Variants in CUL5 observed in about 807,000 individuals in gnomAD.
CUL5 encodes cullin-5.
CUL5 carries 26 observed loss-of-function variants against 108.8 expected under a neutral mutation model. The ratio of observed to expected loss-of-function variants is 0.24; its 90% CI spans 0.18 to 0.33. The LOEUF (loss-of-function observed/expected upper bound fraction) is 0.33. Ranked by LOEUF, CUL5 falls within the 10% of genes least tolerant of loss-of-function variation. CUL5 has a pLI of 1.00. For synonymous variants in CUL5, 334 were observed against 298.0 expected, an observed-to-expected ratio of 1.12 and a Z score of -1.25; for missense variants, 524 against 909.2, an observed-to-expected ratio of 0.58 and a Z score of 5.45.
At chr11:108,021,765 C>T (rs1591275771) in intron 1 of CUL5, among the ~76,000 whole-genome samples, 1 of 152,222 alleles carries the variant, frequency 6.6e-6, no homozygotes, top group East Asian at 1.9e-4. Context: ...ATTGTCCTGC[C>T]TTGACCTCCC....
rs963816082 is a variant in CUL5, at chr11:108,015,555, C to G, written c.24+6183C>G. Among the ~76,000 whole-genome samples, 10 of 152,292 alleles carry G rather than the reference C, an allele frequency of 6.6e-5. 1 individual carries two copies. Among genetic ancestry groups the G allele is most frequent in the Admixed American group, 6.5e-4 (10 of 15,294 alleles). ...GGACATGGGCCTTAGAGCGGCCTTC[C>G]CCTCCTTCAGTGTACTGTCCTAGAG... On this transcript the variant is annotated intron_variant, in intron 1 of 18. Transcript: ENST00000393094.
At chr11:108,058,187 C>A (rs182770379) in intron 7 of CUL5, among the ~76,000 whole-genome samples, 1,969 of 112,704 alleles carry the variant, frequency 0.017, 48 homozygotes, top group African/African-American at 0.064. Flanking sequence ...CCAGCCTGGG[C>A]GATAGAGCAA....
At chr11:108,052,847 TGTA>T in intron 5 of CUL5, 46 bp downstream of exon 5, 1 of 1,545,762 alleles carries the variant, frequency 6.5e-7, no homozygotes, top group African/African-American at 1.4e-5. Flanking sequence ...TCATGGAAAT[TGTA>T]GAACAATTAT....
At chr11:108,100,479 G>A (rs2135249598) in intron 18 of CUL5, among the ~76,000 whole-genome samples, 1 of 152,294 alleles carries the variant, frequency 6.6e-6, no homozygotes, top group South Asian at 2.1e-4. Context: ...GGCGGGCAGA[G>A]GTTGCAGTGA....
chr11:108,078,713 A>C (rs1015795861), intron 11 of CUL5, among the ~76,000 whole-genome samples: 1 of 152,184 alleles, frequency 6.6e-6, no homozygotes, highest in African/African-American at 2.4e-5. Context: ...GAGTAGTACT[A>C]AATAGCAATA....
chr11:108,094,473 C>A lies in CUL5; in HGVS notation c.1526C>A (p.Ala509Asp). The change falls in exon 14 of 19, where the codon GCT becomes GAT. Residue 509 changes from alanine (A) to aspartate (D), a missense_variant. Coordinates refer to ENST00000393094, the MANE Select transcript of CUL5 (RefSeq NM_003478.6). The stretch of plus-strand genomic sequence containing the variant: ...AAAGTATCTGAAGATTTGAACCAAG[C>A]TTTTAAGGAAATGCACAAAAATAAT... ...DIKVSEDLNQ[A>D]FKEMHKNNKL... is the part of the protein sequence containing the mutation. 6.5e-7 allele frequency: 1 copy of A among 1,528,854 alleles called. No homozygotes were observed. Among genetic ancestry groups the A allele is most frequent in the Non-Finnish European group, 9.0e-7 (1 of 1,116,846 alleles). 94.7% of individuals were successfully genotyped at this position (1,528,854 alleles called of 1,614,324 possible). A position where few individuals can be genotyped will look rare whatever the true frequency, so the allele number is the denominator to read the frequency against.
At chr11:108,089,233 A>ATTT (rs557160242) in intron 12 of CUL5, among the ~76,000 whole-genome samples, 197 of 152,178 alleles carry the variant, frequency 1.3e-3, no homozygotes, top group African/African-American at 4.6e-3. Context: ...CATGTAAAGT[A>ATTT]TATCGTTGCA....
chr11:108,091,811 G>A (rs992849406), intron 13 of CUL5, among the ~76,000 whole-genome samples: 2 of 151,634 alleles, frequency 1.3e-5, no homozygotes, highest in South Asian at 2.1e-4. Flanking sequence ...ATAAGTGCAT[G>A]CAAAGATACT....
intron 1 of CUL5, 100 bp from the exon 2 acceptor site, chr11:108,033,702 T>G (rs148528006): frequency 1.5e-6 from 1 of 683,556 alleles, no homozygotes; most frequent in East Asian, 2.7e-5. Context: ...TCATTTAAAT[T>G]TGAGCCCTTC....
intron 11 of CUL5, among the ~76,000 whole-genome samples, chr11:108,087,754 C>G (rs1864255964): frequency 6.6e-6 from 1 of 151,774 alleles, no homozygotes; most frequent in African/African-American, 2.4e-5. Context: ...CACCTGAGGT[C>G]AGAAGTTTGA....
chr11:108,074,399 TGGCCA>T (rs1863898187), intron 10 of CUL5, among the ~76,000 whole-genome samples: 1 of 151,778 alleles, frequency 6.6e-6, no homozygotes, highest in South Asian at 2.1e-4. Context: ...TTCACTGTGT[TGGCCA>T]GGCTGGTCTC....
In CUL5 at chr11:108,089,609, G is replaced by C; in HGVS notation, c.1429G>C (p.Val477Leu). ...CGATAGTGAAATTGAAGAAAACATG[G>C]TAGAGTGGCTAAGAGTAAGTAAATT... Reference protein sequence around the residue: ...SADSEIEENMVEWLREVGMPA... With the variant: ...SADSEIEENMLEWLREVGMPA... The change falls in exon 13 of 19, where the codon GTA becomes CTA. Residue 477 changes from valine (V) to leucine (L), a missense_variant. Physicochemically the swap from Val to Leu is conservative, Grantham distance 32. This residue lies in a region of CUL5 where 76 missense variants were observed against 168.3 expected (regional missense o/e 0.45). Coordinates refer to ENST00000393094, the MANE Select transcript of CUL5 (RefSeq NM_003478.6). 6.5e-7 allele frequency: 1 copy of C among 1,531,844 alleles called. No homozygotes were observed. The highest frequency in any genetic ancestry group is 8.7e-7 in the Non-Finnish European group (1 of 1,148,610). The allele number at this position is 1,531,844 out of a possible 1,614,324, so 94.9% of individuals were successfully genotyped here. A position where few individuals can be genotyped will look rare whatever the true frequency, so the allele number is the denominator to read the frequency against.
chr11:108,076,850 A>T (rs1014819097), intron 10 of CUL5, among the ~76,000 whole-genome samples: 3 of 152,232 alleles, frequency 2.0e-5, no homozygotes, highest in African/African-American at 7.2e-5. Flanking sequence ...TCGTGTTCTG[A>T]TCAATTAGAA....
intron 7 of CUL5, among the ~76,000 whole-genome samples, chr11:108,067,920 T>C (rs1339483626): frequency 1.3e-5 from 2 of 152,030 alleles, no homozygotes; most frequent in Non-Finnish European, 2.9e-5. Flanking sequence ...GTCTTTTCTT[T>C]ATTTTTCTTT....
At chr11:108,069,232 C>G (rs565939842) in intron 7 of CUL5, among the ~76,000 whole-genome samples, 44 of 152,242 alleles carry the variant, frequency 2.9e-4, no homozygotes, top group African/African-American at 8.7e-4. Flanking sequence ...AGTAATGCCA[C>G]TGTACTCCAG....
intron 1 of CUL5, among the ~76,000 whole-genome samples, chr11:108,020,757 TA>T (rs1055272198): frequency 3.3e-5 from 5 of 152,136 alleles, no homozygotes; most frequent in African/African-American, 1.2e-4. Flanking sequence ...GTTTTTAAAG[TA>T]AAAAAGTTAC....
Position 108,104,196 on chromosome 11 carries a change from A to G in CUL5, c.2155A>G (p.Ile719Val), listed in dbSNP as rs370425496. Reference protein sequence around the residue: ...QLRILRTQEAIIQIMKMRKKI... With the variant: ...QLRILRTQEAVIQIMKMRKKI... The stretch of plus-strand genomic sequence containing the variant: ...TTTTTATTTTTTCTTTTAGGAAGCT[A>G]TCATACAAATAATGAAAATGAGAAA... Residue 719 changes from isoleucine to valine, a missense_variant, in exon 19 of 19, where the codon ATC becomes GTC. Around this residue, in one of 8 missense-constraint regions of CUL5, gnomAD observed 66 missense variants for 81.4 expected, o/e 0.81. Coordinates refer to ENST00000393094, the MANE Select transcript of CUL5 (RefSeq NM_003478.6). 3.2e-6 allele frequency: 5 copies of G among 1,557,742 alleles called. No homozygotes were observed. Among genetic ancestry groups the G allele is most frequent in the Admixed American group, 2.0e-5 (1 of 49,730 alleles).
chr11:108,059,218 T>C (rs1863474474), intron 7 of CUL5, among the ~76,000 whole-genome samples: 1 of 152,156 alleles, frequency 6.6e-6, no homozygotes, highest in Non-Finnish European at 1.5e-5. Flanking sequence ...GGTTTTTAGT[T>C]TTTAGGTGAT....
Position 108,104,445 on chromosome 11 carries a change from T to C in CUL5, c.*61T>C. The C allele has an allele frequency of 9.3e-7, 1 of 1,071,306 alleles. No individual in the cohort carries two copies. Among genetic ancestry groups the C allele is most frequent in the Non-Finnish European group, 1.3e-6 (1 of 753,968 alleles). The allele number at this position is 1,071,306 out of a possible 1,614,324, so 66.4% of individuals were successfully genotyped here. On this transcript the variant is annotated 3_prime_UTR_variant, in exon 19 of 19. Coordinates refer to ENST00000393094, the MANE Select transcript of CUL5 (RefSeq NM_003478.6). Reference sequence around the variant, plus strand: ...TTTGGAGTGCTTGGGCAGAAAGTTGTAAAGTTTGTGCTGGAGAAAGGTTTA... The same window carrying C: ...TTTGGAGTGCTTGGGCAGAAAGTTGCAAAGTTTGTGCTGGAGAAAGGTTTA...
Sources: allele counts gnomAD v4.1 joint callset (sites outside exome capture counted in the v4.1 genomes callset), GRCh38; gene constraint gnomAD v4.1.1; regional missense constraint gnomAD v4.1.1; transcripts MANE v1.5; gene names NCBI Gene and HGNC (gene_info 2026-07-23, HGNC 2026-07-21).